OR1J2: variants seen among roughly 807,000 people sequenced by gnomAD.
OR1J2 encodes the protein olfactory receptor 1J2.
For missense variants in OR1J2, 304 were observed against 246.1 expected (o/e 1.24, Z -1.57); for synonymous variants, 142 against 99.7 (o/e 1.42, Z -2.52).
upstream of OR1J2, among the ~76,000 whole-genome samples, chr9:122,507,650 T>G (rs1828552898): frequency 6.6e-6 from 1 of 152,164 alleles, no homozygotes; most frequent in South Asian, 2.1e-4. Context: ...TGTTCTATGT[T>G]TGTGCTCTTG....
At chr9:122,526,508 G>GA in the OR1J2 span, 1 of 1,592,280 alleles carries the variant, frequency 6.3e-7, no homozygotes. Context: ...CAGAGGCAAT[G>GA]GAGGGAGGAC....
chr9:122,497,156 T>A, the OR1J2 span, among the ~76,000 whole-genome samples: 1 of 152,144 alleles, frequency 6.6e-6, no homozygotes, highest in Non-Finnish European at 1.5e-5. Flanking sequence ...GACTCACAGT[T>A]TTTTGGCATC....
chr9:122,477,252 G>A, the OR1J2 span: 1 of 1,614,096 alleles, frequency 6.2e-7, no homozygotes. Flanking sequence ...GAATCTGGAG[G>A]ATGGTGACCC....
the OR1J2 span, among the ~76,000 whole-genome samples, chr9:122,555,009 C>T: frequency 6.6e-6 from 1 of 152,108 alleles, no homozygotes; most frequent in African/African-American, 2.4e-5. Flanking sequence ...TGAGAAGTCA[C>T]AAAGCTTAAC....
the OR1J2 span, among the ~76,000 whole-genome samples, chr9:122,456,080 T>C: frequency 6.6e-6 from 1 of 152,214 alleles, no homozygotes; most frequent in Non-Finnish European, 1.5e-5. Flanking sequence ...GTAGCACACA[T>C]TTTTTTATGA....
the OR1J2 span, among the ~76,000 whole-genome samples, chr9:122,464,477 A>C: frequency 1.3e-5 from 2 of 152,342 alleles, no homozygotes; most frequent in East Asian, 3.9e-4. Flanking sequence ...GGGTCTGTGG[A>C]TTCTTTCAGC....
chr9:122,525,452 T>G, the OR1J2 span, among the ~76,000 whole-genome samples: 1 of 152,194 alleles, frequency 6.6e-6, no homozygotes, highest in African/African-American at 2.4e-5. Flanking sequence ...TATATAGCCC[T>G]TATATTTAAA....
the OR1J2 span, among the ~76,000 whole-genome samples, chr9:122,451,706 T>G: frequency 6.6e-6 from 1 of 152,214 alleles, no homozygotes; most frequent in Non-Finnish European, 1.5e-5. Context: ...GCAGAAAGAT[T>G]AGACAATGTT....
chr9:122,519,789 T>C, the OR1J2 span: 7 of 1,614,232 alleles, frequency 4.3e-6, no homozygotes, highest in Non-Finnish European at 5.9e-6. Context: ...CATCTTGATC[T>C]CTTATGGCCA....
the OR1J2 span, among the ~76,000 whole-genome samples, chr9:122,486,133 G>A: frequency 6.6e-6 from 1 of 151,976 alleles, no homozygotes; most frequent in Non-Finnish European, 1.5e-5. Context: ...GCCAATTTTT[G>A]TATTTTTAGT....
At chr9:122,502,112 G>A in the OR1J2 span, among the ~76,000 whole-genome samples, 2 of 152,302 alleles carry the variant, frequency 1.3e-5, no homozygotes, top group East Asian at 3.9e-4. Flanking sequence ...GGCTCCAGTG[G>A]CCAGAGAAAA....
At chr9:122,455,144 A>T in the OR1J2 span, among the ~76,000 whole-genome samples, 1 of 152,096 alleles carries the variant, frequency 6.6e-6, no homozygotes, top group African/African-American at 2.4e-5. Flanking sequence ...TGTTGTTTCC[A>T]CTTTTTGGCT....
At chr9:122,567,980 A>C in the OR1J2 span, 1 of 1,614,192 alleles carries the variant, frequency 6.2e-7, no homozygotes. Flanking sequence ...AGAAGGTGAG[A>C]CGATTCAGCA....
chr9:122,463,875 G>C, the OR1J2 span, among the ~76,000 whole-genome samples: 1 of 152,186 alleles, frequency 6.6e-6, no homozygotes, highest in Non-Finnish European at 1.5e-5. Context: ...TTGTATTTTT[G>C]TTAAGTGTGC....
At chr9:122,492,249 G>A in the OR1J2 span, among the ~76,000 whole-genome samples, 1 of 152,076 alleles carries the variant, frequency 6.6e-6, no homozygotes, top group African/African-American at 2.4e-5. Context: ...AGAACATGTG[G>A]TATTTGGTTT....
chr9:122,458,462 A>G, the OR1J2 span, among the ~76,000 whole-genome samples: 18 of 152,258 alleles, frequency 1.2e-4, no homozygotes, highest in African/African-American at 4.3e-4. Context: ...TTATAAAGAA[A>G]AAAAGGTTTA....
At chr9:122,501,254 A>G in the OR1J2 span, among the ~76,000 whole-genome samples, 41 of 152,276 alleles carry the variant, frequency 2.7e-4, no homozygotes, top group African/African-American at 8.4e-4. Flanking sequence ...ATTTCATAGG[A>G]AAGACTATGG....
the OR1J2 span, chr9:122,568,128 G>A: frequency 1.2e-6 from 2 of 1,613,958 alleles, no homozygotes; most frequent in Admixed American, 3.3e-5. Context: ...GGCCATGACT[G>A]CCAGAAGGCA....
chr9:122,568,028 G>A, the OR1J2 span: 9 of 1,613,972 alleles, frequency 5.6e-6, no homozygotes, highest in African/African-American at 1.3e-5. Context: ...GAGGAAATGA[G>A]CAGGAGAAGG....
Sources: gnomAD v4.1 joint callset for allele counts (sites outside exome capture counted in the v4.1 genomes callset) on GRCh38, gnomAD v4.1.1 for gene constraint, MANE v1.5 for transcripts, NCBI Gene and HGNC (gene_info 2026-07-23, HGNC 2026-07-21) for gene names.